Variants in TEX9 observed in about 807,000 individuals in gnomAD.
TEX9 encodes testis expressed 9, also known as testis-expressed protein 9.
In TEX9, 74 loss-of-function variants were observed where a neutral mutation model predicts 59.6. The observed-to-expected ratio is 1.24, with a 90% CI of 1.03 to 1.51. The LOEUF is 1.51. Among genes scored for constraint, TEX9 ranks in the 40% most tolerant of loss-of-function variants. The pLI is 0.00. For missense variants in TEX9, 522 were observed against 447.8 expected (o/e 1.17, Z -1.49); for synonymous variants, 186 against 152.2 (o/e 1.22, Z -1.64).
chr15:56,301,109 A>G (rs1336726672), intron 1 of TEX9, among the ~76,000 whole-genome samples: 3 of 152,218 alleles, frequency 2.0e-5, no homozygotes, highest in African/African-American at 4.8e-5. Context: ...ATGAAATTTA[A>G]GATAATACAG....
intron 7 of TEX9, among the ~76,000 whole-genome samples, chr15:56,392,363 CGGT>C (rs2048256624): frequency 6.6e-6 from 1 of 152,014 alleles, no homozygotes; most frequent in Admixed American, 6.6e-5. Flanking sequence ...GCATCTCACA[CGGT>C]GGGATCACGA....
intron 12 of TEX9, among the ~76,000 whole-genome samples, chr15:56,439,508 G>A (rs1434945405): frequency 6.6e-6 from 1 of 152,020 alleles, no homozygotes; most frequent in East Asian, 1.9e-4. Flanking sequence ...AGTATTGGTG[G>A]AGGGATGGAT....
chr15:56,432,105 A>G (rs1453490411), intron 12 of TEX9, among the ~76,000 whole-genome samples: 1 of 152,184 alleles, frequency 6.6e-6, no homozygotes, highest in Non-Finnish European at 1.5e-5. Flanking sequence ...TAATTCATCC[A>G]TTCCTTATAA....
intron 7 of TEX9, among the ~76,000 whole-genome samples, chr15:56,392,385 C>T (rs571788899): frequency 1.3e-4 from 19 of 151,932 alleles, no homozygotes; most frequent in Admixed American, 4.6e-4. Context: ...GAACAAGAGA[C>T]GGGGGAGGTG....
At chr15:56,311,290 C>T (rs1345810687) in intron 1 of TEX9, among the ~76,000 whole-genome samples, 5 of 110,172 alleles carry the variant, frequency 4.5e-5, no homozygotes, top group South Asian at 7.6e-4. Context: ...CTATCCCTCC[C>T]CCCTCCCCCC....
intron 1 of TEX9, among the ~76,000 whole-genome samples, chr15:56,287,048 G>A (rs927094375): frequency 6.6e-6 from 1 of 152,134 alleles, no homozygotes; most frequent in Non-Finnish European, 1.5e-5. Context: ...TTGTAATGCA[G>A]CATAGGACAT....
intron 1 of TEX9, among the ~76,000 whole-genome samples, chr15:56,328,515 A>G (rs1185294171): frequency 6.6e-6 from 1 of 152,140 alleles, no homozygotes; most frequent in African/African-American, 2.4e-5. Context: ...CTTGGATGGC[A>G]TTTCTCAAAC....
intron 3 of TEX9, among the ~76,000 whole-genome samples, chr15:56,383,177 C>A (rs1413074712): frequency 1.3e-5 from 2 of 152,188 alleles, no homozygotes; most frequent in Non-Finnish European, 2.9e-5. Context: ...TCTGACAGGG[C>A]AGCACTGAGT....
intron 1 of TEX9, among the ~76,000 whole-genome samples, chr15:56,327,302 C>T (rs1309518958): frequency 6.6e-6 from 1 of 152,034 alleles, no homozygotes; most frequent in Admixed American, 6.6e-5. Flanking sequence ...CGGGTTTTTG[C>T]TGTCATGAAA....
chr15:56,384,233 T>C (rs1443213494), intron 4 of TEX9, among the ~76,000 whole-genome samples: 1 of 152,240 alleles, frequency 6.6e-6, no homozygotes, highest in Non-Finnish European at 1.5e-5. Flanking sequence ...TATATTCTTG[T>C]CCTCATTTTT....
chr15:56,428,448 A>G (rs375207884), exon 12 of TEX9: 13 of 1,603,826 alleles, frequency 8.1e-6, no homozygotes, highest in South Asian at 1.1e-5. Context: ...TTCATAAGTG[A>G]TCTACTTCAG....
intron 1 of TEX9, among the ~76,000 whole-genome samples, chr15:56,254,398 C>T (rs764428642): frequency 6.6e-5 from 10 of 151,828 alleles, no homozygotes; most frequent in East Asian, 1.9e-4. Flanking sequence ...GACTGCTACT[C>T]ACATTCCCTT....
chr15:56,319,490 A>T (rs1485767869), intron 1 of TEX9, among the ~76,000 whole-genome samples: 1 of 152,046 alleles, frequency 6.6e-6, no homozygotes, highest in Admixed American at 6.6e-5. Context: ...TTAATCACAC[A>T]TTATTCTTCT....
intron 10 of TEX9, among the ~76,000 whole-genome samples, chr15:56,426,642 C>T (rs202083351): frequency 3.4e-5 from 2 of 58,270 alleles, no homozygotes; most frequent in Admixed American, 2.2e-4. Context: ...CACACAAACA[C>T]ACACACACAC....
At chr15:56,298,785 G>A (rs1448018467) in intron 1 of TEX9, among the ~76,000 whole-genome samples, 2 of 151,990 alleles carry the variant, frequency 1.3e-5, no homozygotes, top group Non-Finnish European at 2.9e-5. Context: ...TCTCTCTTAG[G>A]CTTTATCTTT....
At chr15:56,447,015 T>G, downstream of TEX9, 1 of 1,013,576 alleles carries the variant, frequency 9.9e-7, no homozygotes, top group Non-Finnish European at 1.5e-6. Context: ...GAAAACTGAG[T>G]AACTGTATTT....
At chr15:56,383,107 A>G (rs947832868) in intron 3 of TEX9, among the ~76,000 whole-genome samples, 8 of 152,340 alleles carry the variant, frequency 5.3e-5, no homozygotes, top group Admixed American at 1.3e-4. Context: ...TAGCTGGTCC[A>G]GATGCTTCCT....
rs145585555 is a variant in TEX9 at position 56,280,369 on chromosome 15, C to A, written c.-107+36091C>A. 6.8e-4 allele frequency among the ~76,000 whole-genome samples: 103 copies of A among 152,272 alleles called. 1 individual carries two copies. The highest frequency in any genetic ancestry group is 2.4e-3 in the African/African-American group (98 of 41,560). ...ATTACTGATTTTAGTGTTAAACCTT[C>A]ACATTGTGTAAGCCTTGAAAAATAT... On this transcript the variant is annotated intron_variant, in intron 1 of 5. Coordinates refer to the TEX9 transcript ENST00000560827.
chr15:56,290,534 G>A (rs1399618869), intron 1 of TEX9, among the ~76,000 whole-genome samples: 1 of 151,948 alleles, frequency 6.6e-6, no homozygotes, highest in Non-Finnish European at 1.5e-5. Flanking sequence ...CTGCAACCTT[G>A]ACCTTCTACG....
Sources: gnomAD v4.1 joint callset for allele counts (sites outside exome capture counted in the v4.1 genomes callset) on GRCh38, gnomAD v4.1.1 for gene constraint, MANE v1.5 for transcripts, NCBI Gene and HGNC (gene_info 2026-07-23, HGNC 2026-07-21) for gene names.